Variants in PKLR observed in about 807,000 individuals in gnomAD.
The protein encoded by PKLR is pyruvate kinase PKLR.
In PKLR, 38 loss-of-function variants were observed where a neutral mutation model predicts 53.6. The observed-to-expected ratio is 0.71, with a 90% CI of 0.55 to 0.93. PKLR has a LOEUF of 0.93. Among genes scored for constraint, PKLR ranks in the 40% least tolerant of loss-of-function variants. PKLR has a pLI of 0.00. For missense variants in PKLR, 702 were observed against 787.3 expected (o/e 0.89, Z 1.30); for synonymous variants, 328 against 316.2 (o/e 1.04, Z -0.39).
chr1:155,292,868 A>G (rs1230121413), intron 9 of PKLR, among the ~76,000 whole-genome samples: 2 of 152,124 alleles, frequency 1.3e-5, no homozygotes, highest in East Asian at 1.9e-4. Context: ...TTAAACTCAG[A>G]CCTACTGGAC....
intron 10 of PKLR, 145 bp from the exon 11 acceptor site, chr1:155,290,823 T>C (rs1045930252): frequency 2.8e-5 from 18 of 654,246 alleles, no homozygotes; most frequent in Non-Finnish European, 4.8e-5. Flanking sequence ...ACCTTGTCTC[T>C]ACTGAAAATA....
chr1:155,294,831 GA>G, intron 5 of PKLR, 79 bp from the exon 6 acceptor site: 1 of 1,543,886 alleles, frequency 6.5e-7, no homozygotes, highest in East Asian at 2.3e-5. Context: ...CTGGGGCTTG[GA>G]CCCGCAAGAG....
chr1:155,301,863 C>A (rs1169012647), upstream of PKLR, among the ~76,000 whole-genome samples: 3 of 151,396 alleles, frequency 2.0e-5, no homozygotes, highest in African/African-American at 4.9e-5. Context: ...ACTCTGTAAC[C>A]TGGCCAGCTG....
At position 155,290,398 on chromosome 1, in the gene PKLR, C is replaced by T. The variant is rs1307572806; in HGVS notation, c.*174G>A. 1 of 614,820 alleles carries T rather than the reference C, an allele frequency of 1.6e-6. No individual in the cohort carries two copies. 38.1% of individuals were successfully genotyped at this position (614,820 alleles called of 1,614,324 possible). On this transcript the variant is annotated 3_prime_UTR_variant, in exon 11 of 11. Transcript: ENST00000342741. ...AATGGAGATGGGGAAGGGGCAACCT[C>T]GAAGGGGCTAGATGACAGTTATAGT... is the stretch of plus-strand genomic sequence containing the variant.
At chr1:155,294,782 C>T in intron 5 of PKLR, 30 bp from the exon 6 acceptor site, 1 of 1,613,270 alleles carries the variant, frequency 6.2e-7, no homozygotes. Context: ...CAGCTGCGGT[C>T]AGGGGTGAGG....
In PKLR at chr1:155,293,559, G is replaced by C; in HGVS notation, c.1148C>G (p.Pro383Arg). 1 of 1,614,208 alleles carries C rather than the reference G, an allele frequency of 6.2e-7. No homozygotes were observed. Among genetic ancestry groups the C allele is most frequent in the Non-Finnish European group, 8.5e-7 (1 of 1,180,036 alleles). Residue 383 changes from proline to arginine, a missense_variant, in exon 8 of 11, where the codon CCA becomes CGA. Coordinates refer to ENST00000342741, the MANE Select transcript of PKLR (RefSeq NM_000298.6). The surrounding 1 kb of genome is among the most constrained non-coding windows in gnomAD (Gnocchi z 4.2). ...MLESMITKPR[P>R]TRAETSDVAN... is the part of the protein sequence containing the mutation. ...GACATCGCTTGTCTCTGCCCTCGTT[G>C]GCCGGGGCTTGGTAATCATGCTCTC...
intron 9 of PKLR, among the ~76,000 whole-genome samples, chr1:155,292,758 T>TGCCAAC (rs1217919808): frequency 6.6e-6 from 1 of 152,190 alleles, no homozygotes; most frequent in East Asian, 1.9e-4. Flanking sequence ...ACTTAATATC[T>TGCCAAC]CCTGTTAATC....
At chr1:155,292,026 A>T (rs1647245044) in intron 9 of PKLR, 89 bp from the exon 10 acceptor site, 1 of 1,280,374 alleles carries the variant, frequency 7.8e-7, no homozygotes, top group African/African-American at 1.5e-5. Context: ...AGGTGTCACT[A>T]ACAAGCTGTG....
intron 2 of PKLR, among the ~76,000 whole-genome samples, chr1:155,299,357 AGTTTT>A (rs1168123674): frequency 1.3e-5 from 2 of 150,522 alleles, no homozygotes; most frequent in Non-Finnish European, 3.0e-5. Context: ...CACTCAACTA[AGTTTT>A]GTATTTTTTG....
In PKLR at chr1:155,300,288, A is replaced by G; in HGVS notation, c.101-8T>C. The G allele has an allele frequency of 6.3e-7, 1 of 1,575,168 alleles. No homozygotes were observed. Among genetic ancestry groups the G allele is most frequent in the South Asian group, 1.1e-5 (1 of 87,286 alleles). On this transcript the variant is annotated splice_polypyrimidine_tract_variant and splice_region_variant and intron_variant, in intron 1 of 10. Transcript: ENST00000342741. ...GCAGATACCCCGCTGGCCCTGTGGT[A>G]GAAGGGGGCTCAGGGACTGCATGTC...
At chr1:155,304,864 T>C (rs1648190063), upstream of PKLR, among the ~76,000 whole-genome samples, 1 of 152,242 alleles carries the variant, frequency 6.6e-6, no homozygotes, top group Non-Finnish European at 1.5e-5. Flanking sequence ...CATCTCCTTT[T>C]ATCATTGTGA....
intron 2 of PKLR, among the ~76,000 whole-genome samples, chr1:155,298,641 T>TA (rs766002296): frequency 0.012 from 1,844 of 150,034 alleles, 39 homozygotes; most frequent in African/African-American, 0.044. Flanking sequence ...TTTCTTTTTT[T>TA]AAAAACAAAC....
rs1484388413 is a variant in PKLR at position 155,300,263 on chromosome 1, G to A, written c.118C>T (p.Arg40Trp). 36 of 1,599,290 alleles carry A rather than the reference G, an allele frequency of 2.3e-5. No individual in the cohort carries two copies. The highest frequency in any genetic ancestry group is 3.5e-5 in the Admixed American group (2 of 57,106). The change falls in exon 2 of 11, where the codon CGG (arginine) becomes TGG (tryptophan). Residue 40 changes from arginine (R) to tryptophan (W), a missense_variant. Coordinates refer to ENST00000342741, the MANE Select transcript of PKLR (RefSeq NM_000298.6). ...GAPGGPAGYL[R>W]RASVAQLTQE... The stretch of plus-strand genomic sequence containing the variant: ...GTCAGTTGGGCCACACTGGCCCGCC[G>A]CAGATACCCCGCTGGCCCTGTGGTA...
upstream of PKLR, among the ~76,000 whole-genome samples, chr1:155,303,011 C>T (rs758125802): frequency 5.9e-5 from 9 of 152,196 alleles, no homozygotes; most frequent in African/African-American, 1.7e-4. Flanking sequence ...CAAGTGTGAG[C>T]CATAGTACTG....
chr1:155,308,640 G>T, the PKLR span: 1 of 985,290 alleles, frequency 1.0e-6, no homozygotes, highest in Non-Finnish European at 1.2e-6. Flanking sequence ...AGCCTGGCTC[G>T]CTTCCGGCAC....
rs1029434888 is a variant in PKLR, at chr1:155,293,961, C to T, written c.1116+274G>A. Among the ~76,000 whole-genome samples the T allele has an allele frequency of 3.9e-5, 6 of 152,022 alleles. 1 individual carries two copies. The highest frequency in any genetic ancestry group is 3.9e-4 in the East Asian group (2 of 5,190). ...CAGTCTGGCCAACATGGTGAAACCC[C>T]GTCTCTACTGAAAATACAAAAAGTA... On this transcript the variant is annotated intron_variant, in intron 7 of 10. Transcript: ENST00000342741. This position sits in a 1 kb window ranked among gnomAD's most constrained non-coding sequence, Gnocchi z 4.2.
At chr1:155,307,679 T>C in the PKLR span, among the ~76,000 whole-genome samples, 1 of 152,208 alleles carries the variant, frequency 6.6e-6, no homozygotes, top group Non-Finnish European at 1.5e-5. Flanking sequence ...GTTTAGCTTA[T>C]AATCAATAAA....
chr1:155,302,463 C>A (rs1201414354), upstream of PKLR, among the ~76,000 whole-genome samples: 1 of 151,908 alleles, frequency 6.6e-6, no homozygotes, highest in Non-Finnish European at 1.5e-5. Flanking sequence ...TCTCGAACTC[C>A]TGACCTCAGG....
At position 155,290,303 on chromosome 1, in the gene PKLR, A is replaced by G; in HGVS notation, c.*269T>C. The G allele has an allele frequency of 3.9e-6, 2 of 516,606 alleles. No homozygotes were observed. Among genetic ancestry groups the G allele is most frequent in the Non-Finnish European group, 3.5e-6 (1 of 285,024 alleles). The allele number at this position is 516,606 out of a possible 1,614,324, so 32.0% of individuals were successfully genotyped here. A position where few individuals can be genotyped will look rare whatever the true frequency, so the allele number is the denominator to read the frequency against. On this transcript the variant is annotated 3_prime_UTR_variant, in exon 11 of 11. Transcript: ENST00000342741. ...AGGGCCTGCTGAGCAGATTGGATGC[A>G]GGGAATGTACAATTGGTGCTGTTGG...
Sources: gnomAD v4.1 joint callset for allele counts (sites outside exome capture counted in the v4.1 genomes callset) on GRCh38, gnomAD v4.1.1 for gene constraint, Gnocchi (gnomAD v3.1) non-coding constraint, MANE v1.5 for transcripts, NCBI Gene and HGNC (gene_info 2026-07-23, HGNC 2026-07-21) for gene names.